Variants in EML6 observed in about 807,000 individuals in gnomAD.
EML6 encodes echinoderm microtubule-associated protein-like 6.
In EML6, 154 loss-of-function variants were observed where a neutral mutation model predicts 240.1. The ratio of observed to expected loss-of-function variants is 0.64; its 90% CI spans 0.56 to 0.73. The LOEUF is 0.73. Ranked by LOEUF, EML6 falls within the 30% of genes least tolerant of loss-of-function variation. EML6 has a pLI of 0.00. For missense variants in EML6, 2,964 were observed against 2,474.6 expected (o/e 1.20, Z -4.20); for synonymous variants, 1,148 against 899.0 (o/e 1.28, Z -4.95).
Position 54,903,475 on chromosome 2 carries a change from A to C in EML6, c.3382A>C (p.Ile1128Leu), listed in dbSNP as rs749672759. 70 of 1,551,786 alleles carry C rather than the reference A, an allele frequency of 4.5e-5. No individual in the cohort carries two copies. Among genetic ancestry groups the C allele is most frequent in the Non-Finnish European group, 5.8e-5 (67 of 1,146,970 alleles). Reference sequence around the variant, plus strand: ...CATCTGTAAAGGTGCTTCTAGTTATATTACACACATTGACTGGGACTCTAG... The same window carrying C: ...CATCTGTAAAGGTGCTTCTAGTTATCTTACACACATTGACTGGGACTCTAG... ...VGICKGASSY[I>L]THIDWDSRGK... The change falls in exon 24 of 42, where the codon ATT becomes CTT. Residue 1128 changes from isoleucine (I) to leucine (L), a missense_variant. Ile to Leu is a conservative substitution (Grantham distance 5). Coordinates refer to ENST00000356458, the MANE Select transcript of EML6 (RefSeq NM_001039753.4).
intron 3 of EML6, among the ~76,000 whole-genome samples, chr2:54,816,554 A>G (rs1668091056): frequency 6.6e-6 from 1 of 152,230 alleles, no homozygotes; most frequent in Non-Finnish European, 1.5e-5. Context: ...TGTTTCTTAC[A>G]CTTAAAAAGG....
rs1668751678 is a variant in EML6, at chr2:54,829,378, T to G, written c.748T>G (p.Phe250Val). 1 of 1,551,918 alleles carries G rather than the reference T, an allele frequency of 6.4e-7. No individual in the cohort carries two copies. The highest frequency in any genetic ancestry group is 8.7e-7 in the Non-Finnish European group (1 of 1,146,984). The change falls in exon 7 of 42, where the codon TTT becomes GTT. Residue 250 changes from phenylalanine to valine, a missense_variant. Physicochemically the swap from Phe to Val is conservative, Grantham distance 50. Coordinates refer to ENST00000356458, the MANE Select transcript of EML6 (RefSeq NM_001039753.4). ...IFSMYACEEGFATGGRDGCIR... is the reference protein window; with the variant it reads ...IFSMYACEEGVATGGRDGCIR... Reference sequence around the variant, plus strand: ...TAGCATGTATGCTTGTGAAGAAGGCTTTGCCACTGGTGGGCGAGATGGGTG... The same window carrying G: ...TAGCATGTATGCTTGTGAAGAAGGCGTTGCCACTGGTGGGCGAGATGGGTG...
intron 2 of EML6, among the ~76,000 whole-genome samples, chr2:54,737,612 C>G (rs1683455055): frequency 6.6e-6 from 1 of 152,206 alleles, no homozygotes; most frequent in Admixed American, 6.5e-5. Flanking sequence ...ATGCCATGCT[C>G]TTTTCCTAAG....
intron 7 of EML6, among the ~76,000 whole-genome samples, chr2:54,841,352 C>G (rs1418638990): frequency 1.3e-5 from 2 of 152,248 alleles, no homozygotes; most frequent in Non-Finnish European, 2.9e-5. Context: ...CCCACCATTT[C>G]AAGACCTGTA....
chr2:54,956,430 C>G (rs1676236900), intron 32 of EML6, among the ~76,000 whole-genome samples: 1 of 152,118 alleles, frequency 6.6e-6, no homozygotes, highest in Admixed American at 6.5e-5. Flanking sequence ...TTTGTAGTTC[C>G]TTATAGATCT....
chr2:54,924,642 A>G (rs1280165184), intron 26 of EML6, among the ~76,000 whole-genome samples: 1 of 152,108 alleles, frequency 6.6e-6, no homozygotes. Context: ...GCTCACTGCA[A>G]CCTCTGTCTC....
intron 17 of EML6, among the ~76,000 whole-genome samples, chr2:54,889,823 A>G (rs537924194): frequency 6.6e-6 from 1 of 152,376 alleles, no homozygotes; most frequent in South Asian, 2.1e-4. Flanking sequence ...AGTGGTAATT[A>G]TCCTGACTCT....
intron 21 of EML6, 86 bp downstream of exon 21, chr2:54,895,486 T>C: frequency 1.5e-6 from 2 of 1,342,762 alleles, no homozygotes; most frequent in Non-Finnish European, 2.1e-6. Flanking sequence ...TTGCAAAACT[T>C]AAGGAGGCAC....
intron 2 of EML6, among the ~76,000 whole-genome samples, chr2:54,749,428 TA>T (rs1277874752): frequency 6.6e-6 from 1 of 152,162 alleles, no homozygotes; most frequent in African/African-American, 2.4e-5. Flanking sequence ...TGTCATAACA[TA>T]AATAGGGATT....
intron 21 of EML6, among the ~76,000 whole-genome samples, chr2:54,898,057 G>C (rs1230103680): frequency 6.6e-6 from 1 of 152,100 alleles, no homozygotes; most frequent in Admixed American, 6.5e-5. Flanking sequence ...ATAAGGTTGG[G>C]GGAGGGGAGA....
At position 54,964,038 on chromosome 2, in the gene EML6, G is replaced by A; in HGVS notation, c.5210G>A (p.Ser1737Asn). 1.3e-6 allele frequency: 2 copies of A among 1,551,774 alleles called. No homozygotes were observed. Among genetic ancestry groups the A allele is most frequent in the Non-Finnish European group, 1.7e-6 (2 of 1,147,010 alleles). Reference sequence around the variant, plus strand: ...CATGCGGCCAGGTGTGCAGCCTACAGCCCTGATGGGGAGATGGTGGCCATT... The same window carrying A: ...CATGCGGCCAGGTGTGCAGCCTACAACCCTGATGGGGAGATGGTGGCCATT... ...LGHAARCAAY[S>N]PDGEMVAIGM... The change falls in exon 37 of 42, where the codon AGC (serine) becomes AAC (asparagine). Residue 1737 changes from serine (S) to asparagine (N), a missense_variant. Transcript: ENST00000356458.
At chr2:54,887,163 G>T (rs1348652162) in intron 17 of EML6, among the ~76,000 whole-genome samples, 1 of 152,158 alleles carries the variant, frequency 6.6e-6, no homozygotes, top group African/African-American at 2.4e-5. Flanking sequence ...AGCTCAGTTG[G>T]TGGGTTCTGG....
At chr2:54,894,542 G>A (rs148105793) in intron 19 of EML6, among the ~76,000 whole-genome samples, 6 of 152,096 alleles carry the variant, frequency 3.9e-5, no homozygotes, top group South Asian at 2.1e-4. Context: ...AATCCATTTG[G>A]TCAGAGTATG....
Position 54,957,839 on chromosome 2 carries a change from G to C in EML6, c.4536G>C (p.Val1512=). 1.3e-6 allele frequency: 2 copies of C among 1,550,576 alleles called. No homozygotes were observed. The highest frequency in any genetic ancestry group is 1.7e-6 in the Non-Finnish European group (2 of 1,147,004). ...RGGHLERIFV[V]EFRPDSDTQF... is the part of the protein sequence containing the mutation. The stretch of plus-strand genomic sequence containing the variant: ...GTCACCTGGAGCGCATATTTGTGGT[G>C]GAATTTCGCCCCGACTCAGACACGC... Residue 1512 remains valine, a synonymous_variant, in exon 33 of 42, where the codon GTG becomes GTC. Transcript: ENST00000356458.
At chr2:54,823,850 T>TTCATTCTCTCTCTCTCTCTCTC (rs1553387710) in intron 5 of EML6, among the ~76,000 whole-genome samples, 1 of 72,262 alleles carries the variant, frequency 1.4e-5, no homozygotes, top group Non-Finnish European at 2.9e-5. Context: ...CATTCATTCA[T>TTCATTCTCTCTCTCTCTCTCTC]TCTCTCTCTC....
At chr2:54,872,935 G>T (rs1671330446) in intron 16 of EML6, among the ~76,000 whole-genome samples, 1 of 152,182 alleles carries the variant, frequency 6.6e-6, no homozygotes, top group African/African-American at 2.4e-5. Flanking sequence ...GTGGCACACA[G>T]TTACTTGTGT....
rs118165244 is a variant in EML6 at position 54,810,553 on chromosome 2, G to T, written c.198-2679G>T. 4.7e-4 allele frequency among the ~76,000 whole-genome samples: 71 copies of T among 152,306 alleles called. 2 individuals are homozygous for T. In the East Asian group the frequency reaches 8.1e-3, roughly 17 times the overall value. ...TCAAGGATTTTAAAATAGAAGCTGTGATCACAGCAAAATAGTATAATTTAT... is the reference window on the plus strand; with the variant it reads ...TCAAGGATTTTAAAATAGAAGCTGTTATCACAGCAAAATAGTATAATTTAT... On this transcript the variant is annotated intron_variant, in intron 2 of 41. Transcript: ENST00000356458.
intron 2 of EML6, among the ~76,000 whole-genome samples, chr2:54,746,929 A>G (rs1275358066): frequency 6.6e-6 from 1 of 152,226 alleles, no homozygotes; most frequent in Non-Finnish European, 1.5e-5. Flanking sequence ...CTCAGTAGAT[A>G]TCCCAGGAGT....
At chr2:54,804,502 T>C (rs889878395) in intron 2 of EML6, among the ~76,000 whole-genome samples, 28 of 152,256 alleles carry the variant, frequency 1.8e-4, no homozygotes, top group African/African-American at 6.5e-4. Context: ...GTAGCAATTA[T>C]ACTGGTGAGA....
Sources: allele counts gnomAD v4.1 joint callset (sites outside exome capture counted in the v4.1 genomes callset), GRCh38; gene constraint gnomAD v4.1.1; transcripts MANE v1.5; gene names NCBI Gene and HGNC (gene_info 2026-07-23, HGNC 2026-07-21).